TSPAN5: variants seen among roughly 807,000 people sequenced by gnomAD.
TSPAN5 encodes the protein tetraspanin-5.
A neutral mutation model predicts 37.1 loss-of-function variants in TSPAN5; 10 were observed. The observed-to-expected ratio is 0.27, with a 90% CI of 0.17 to 0.46. TSPAN5 has a LOEUF of 0.46. TSPAN5 is among the 20% of genes least tolerant of loss of function. The pLI is 1.00. For missense variants in TSPAN5, 195 were observed against 326.6 expected, an observed-to-expected ratio of 0.60 and a Z score of 3.11; for synonymous variants, 110 against 118.9, an observed-to-expected ratio of 0.93 and a Z score of 0.48.
chr4:98,544,275 T>C (rs1457200378), intron 1 of TSPAN5, among the ~76,000 whole-genome samples: 1 of 152,192 alleles, frequency 6.6e-6, no homozygotes, highest in Non-Finnish European at 1.5e-5. Context: ...AGACGTAAGC[T>C]CTGGAATGTG....
At chr4:98,581,336 C>T (rs575714573) in intron 1 of TSPAN5, among the ~76,000 whole-genome samples, 3 of 152,224 alleles carry the variant, frequency 2.0e-5, no homozygotes, top group Admixed American at 6.5e-5. Context: ...TCAGAACTCC[C>T]TCACTTCTAT....
chr4:98,530,407 A>G (rs1319210541), intron 1 of TSPAN5, among the ~76,000 whole-genome samples: 1 of 152,240 alleles, frequency 6.6e-6, no homozygotes, highest in Non-Finnish European at 1.5e-5. Flanking sequence ...ACAAATGAGG[A>G]AACAGGCTCA....
intron 1 of TSPAN5, among the ~76,000 whole-genome samples, chr4:98,550,425 T>G (rs1173703975): frequency 6.6e-6 from 1 of 152,146 alleles, no homozygotes; most frequent in East Asian, 1.9e-4. Flanking sequence ...AAAAATAATG[T>G]TGGTAAGTTT....
chr4:98,511,119 A>G (rs966123065), intron 1 of TSPAN5, among the ~76,000 whole-genome samples: 1 of 152,202 alleles, frequency 6.6e-6, no homozygotes, highest in Non-Finnish European at 1.5e-5. Context: ...ATGGAAAAAA[A>G]TATATCTGAG....
intron 1 of TSPAN5, among the ~76,000 whole-genome samples, chr4:98,528,156 G>A (rs114866801): frequency 0.014 from 2,205 of 152,264 alleles, 55 homozygotes; most frequent in African/African-American, 0.05. Context: ...AAAGCCAGCT[G>A]TGCACAGGAT....
intron 4 of TSPAN5, 101 bp downstream of exon 4, chr4:98,481,904 G>A (rs759216190): frequency 3.5e-6 from 4 of 1,144,350 alleles, no homozygotes; most frequent in Non-Finnish European, 5.2e-6. Flanking sequence ...GAATAGTCAG[G>A]TAGTTTCCAG....
At position 98,482,076 on chromosome 4, in the gene TSPAN5, T is replaced by C. The variant is rs1323927699; in HGVS notation, c.379A>G (p.Ile127Val). 1 of 1,614,168 alleles carries C rather than the reference T, an allele frequency of 6.2e-7. No individual in the cohort carries two copies. The highest frequency in any genetic ancestry group is 1.7e-5 in the Admixed American group (1 of 60,028). ...CGATATGCTCTGATGTTGTTGTTTA[T>C]AAAGAAATACAGCTGGTCTTTGATC... The part of the protein sequence containing the change: ...DWIKDQLYFF[I>V]NNNIRAYRDD... The change falls in exon 4 of 8, where the codon ATA (isoleucine) becomes GTA (valine). Residue 127 changes from isoleucine (I) to valine (V), a missense_variant. Ile to Val is a conservative substitution (Grantham distance 29). Transcript: ENST00000305798.
chr4:98,644,425 G>A lies in TSPAN5; in HGVS notation c.81+13721C>T, dbSNP rs143277159. On this transcript the variant is annotated intron_variant, in intron 1 of 7. Coordinates refer to ENST00000305798, the MANE Select transcript of TSPAN5 (RefSeq NM_005723.4). ...TTTCCACTTTTAATACAGTTGAACCGAAAGAAAATATTATTGTAGTAAATT... is the reference window on the plus strand; with the variant it reads ...TTTCCACTTTTAATACAGTTGAACCAAAAGAAAATATTATTGTAGTAAATT... Among the ~76,000 whole-genome samples the A allele has an allele frequency of 2.0e-3, 307 of 152,064 alleles. 1 individual carries two copies. Among genetic ancestry groups the A allele is most frequent in the Non-Finnish European group, 3.7e-3 (249 of 67,976 alleles).
intron 1 of TSPAN5, among the ~76,000 whole-genome samples, chr4:98,634,500 A>G (rs940811589): frequency 2.0e-5 from 3 of 152,226 alleles, no homozygotes; most frequent in Non-Finnish European, 4.4e-5. Flanking sequence ...GGGTAAATGT[A>G]TTATTTTCAA....
intron 1 of TSPAN5, among the ~76,000 whole-genome samples, chr4:98,523,144 G>C (rs1277615410): frequency 6.6e-6 from 1 of 152,198 alleles, no homozygotes; most frequent in Non-Finnish European, 1.5e-5. Flanking sequence ...AGAGAAGGCT[G>C]GGTTCTCAAC....
chr4:98,600,769 C>T (rs1755865546), intron 1 of TSPAN5, among the ~76,000 whole-genome samples: 1 of 152,208 alleles, frequency 6.6e-6, no homozygotes, highest in East Asian at 1.9e-4. Flanking sequence ...TTTGTACCTC[C>T]TCCCATGGAT....
intron 1 of TSPAN5, among the ~76,000 whole-genome samples, chr4:98,613,803 T>C (rs1756257736): frequency 6.6e-6 from 1 of 152,158 alleles, no homozygotes. Flanking sequence ...TGCTGGTTGA[T>C]GGATTTTAAA....
rs144105248 is a variant in TSPAN5, at chr4:98,578,327, G to C, written c.82-70599C>G. ...TTTAAAGTGAAAGTAATCGTGGAAT[G>C]ATATTCAGTTTGTCTATTCACAGAT... On this transcript the variant is annotated intron_variant, in intron 1 of 7. Transcript: ENST00000305798. Among the ~76,000 whole-genome samples, 1,447 of 152,298 alleles carry C rather than the reference G, an allele frequency of 9.5e-3. 49 individuals carry two copies. Among genetic ancestry groups the C allele is most frequent in the East Asian group, 0.04 (209 of 5,176 alleles).
chr4:98,605,139 T>A lies in TSPAN5; in HGVS notation c.81+53007A>T, dbSNP rs143387384. 1.9e-3 allele frequency among the ~76,000 whole-genome samples: 290 copies of A among 152,322 alleles called. 3 individuals are homozygous for A. Among genetic ancestry groups the A allele is most frequent in the African/African-American group, 6.6e-3 (275 of 41,580 alleles). Reference sequence around the variant, plus strand: ...CTTATGTGTTATCTCTTTTCTCTTTTTTGTTGTTGTTGTTGTTGAAACAAA... The same window carrying A: ...CTTATGTGTTATCTCTTTTCTCTTTATTGTTGTTGTTGTTGTTGAAACAAA... On this transcript the variant is annotated intron_variant, in intron 1 of 7. Coordinates refer to ENST00000305798, the MANE Select transcript of TSPAN5 (RefSeq NM_005723.4).
chr4:98,592,027 G>A (rs1448964220), intron 1 of TSPAN5, among the ~76,000 whole-genome samples: 1 of 151,808 alleles, frequency 6.6e-6, no homozygotes, highest in African/African-American at 2.4e-5. Flanking sequence ...GAACAGAATG[G>A]AGAATCCAGA....
chr4:98,494,928 G>C (rs1240527576), intron 2 of TSPAN5, among the ~76,000 whole-genome samples: 1 of 152,204 alleles, frequency 6.6e-6, no homozygotes, highest in Non-Finnish European at 1.5e-5. Context: ...GGGAGGCCAT[G>C]AGGAAGCTGA....
At chr4:98,553,070 C>T (rs563000954) in intron 1 of TSPAN5, among the ~76,000 whole-genome samples, 2 of 152,262 alleles carry the variant, frequency 1.3e-5, no homozygotes, top group South Asian at 4.1e-4. Context: ...CAACAATGGT[C>T]TTTAATTAAA....
chr4:98,586,607 CA>C (rs1408574072), intron 1 of TSPAN5, among the ~76,000 whole-genome samples: 1 of 152,202 alleles, frequency 6.6e-6, no homozygotes, highest in African/African-American at 2.4e-5. Context: ...GCTTTTACAG[CA>C]GACATAATGA....
chr4:98,486,887 G>T lies in TSPAN5; in HGVS notation c.133-3C>A. On this transcript the variant is annotated splice_polypyrimidine_tract_variant and splice_region_variant and intron_variant, in intron 2 of 7. Transcript: ENST00000305798. ...GAAGAGATGTTGGACAGAACTCCCT[G>T]GGAGCAGAAAAGAACACACAACAAG... 6.2e-7 allele frequency: 1 copy of T among 1,613,566 alleles called. No homozygotes were observed. Among genetic ancestry groups the T allele is most frequent in the Non-Finnish European group, 8.5e-7 (1 of 1,179,834 alleles).
Sources: allele counts gnomAD v4.1 joint callset (sites outside exome capture counted in the v4.1 genomes callset), GRCh38; gene constraint gnomAD v4.1.1; transcripts MANE v1.5; gene names NCBI Gene and HGNC (gene_info 2026-07-23, HGNC 2026-07-21).